The following SAMMSON variants were observed in gnomAD, a reference collection of about 807,000 sequenced individuals.
SAMMSON encodes survival associated mitochondrial melanoma specific oncogenic non-coding RNA.
chr3:70,192,207 G>A (rs1019978457), intron 4 of SAMMSON, among the ~76,000 whole-genome samples: 10 of 152,098 alleles, frequency 6.6e-5, no homozygotes, highest in South Asian at 2.1e-4. Context: ...GGAAAATTCC[G>A]GAGAGAAGAA....
intron 2 of SAMMSON, among the ~76,000 whole-genome samples, chr3:70,428,968 A>C (rs1344386488): frequency 1.3e-5 from 2 of 152,178 alleles, no homozygotes; most frequent in Admixed American, 6.5e-5. Context: ...TGATAGAAAC[A>C]TATTAATTAA....
intron 4 of SAMMSON, among the ~76,000 whole-genome samples, chr3:70,080,373 G>T (rs983039872): frequency 1.6e-4 from 24 of 152,202 alleles, no homozygotes; most frequent in African/African-American, 5.3e-4. Context: ...AAGGCAAGTG[G>T]CAGTATAATG....
chr3:70,278,307 G>A (rs531936409), intron 6 of SAMMSON, among the ~76,000 whole-genome samples: 1 of 152,300 alleles, frequency 6.6e-6, no homozygotes, highest in African/African-American at 2.4e-5. Context: ...GACTACATAT[G>A]TGTATGTACC....
intron 4 of SAMMSON, among the ~76,000 whole-genome samples, chr3:70,241,882 T>C (rs1701669436): frequency 6.6e-6 from 1 of 152,224 alleles, no homozygotes; most frequent in African/African-American, 2.4e-5. Context: ...GAGATGGGCT[T>C]AGAACGAAGG....
chr3:70,223,346 A>G (rs921819430), intron 4 of SAMMSON, among the ~76,000 whole-genome samples: 1 of 152,130 alleles, frequency 6.6e-6, no homozygotes, highest in Non-Finnish European at 1.5e-5. Flanking sequence ...ACCACCACCT[A>G]TCTCTGCACA....
chr3:70,224,058 C>T (rs564816806), intron 4 of SAMMSON, among the ~76,000 whole-genome samples: 3 of 152,210 alleles, frequency 2.0e-5, no homozygotes, highest in East Asian at 1.9e-4. Context: ...TTCTTTATCA[C>T]AGTAGATACT....
intron 4 of SAMMSON, among the ~76,000 whole-genome samples, chr3:70,231,698 G>A (rs1028491923): frequency 1.3e-5 from 2 of 152,138 alleles, no homozygotes; most frequent in Non-Finnish European, 2.9e-5. Context: ...CACGCAGAGA[G>A]ACAGAGATAC....
chr3:70,406,553 T>C (rs552401960), intron 2 of SAMMSON, among the ~76,000 whole-genome samples: 54 of 152,286 alleles, frequency 3.5e-4, no homozygotes, highest in African/African-American at 1.2e-3. Context: ...TTATAGCATA[T>C]ATAGAAATAA....
chr3:70,194,497 T>C (rs887838904), intron 4 of SAMMSON, among the ~76,000 whole-genome samples: 1 of 152,212 alleles, frequency 6.6e-6, no homozygotes, highest in East Asian at 1.9e-4. Context: ...AAAAGGATGA[T>C]GTTTTATTAT....
intron 4 of SAMMSON, among the ~76,000 whole-genome samples, chr3:70,109,451 G>C (rs1361936831): frequency 6.6e-6 from 1 of 152,122 alleles, no homozygotes; most frequent in Non-Finnish European, 1.5e-5. Flanking sequence ...ACATACAGAG[G>C]TGCTTAAAGC....
intron 4 of SAMMSON, among the ~76,000 whole-genome samples, chr3:70,108,324 C>T (rs2067374899): frequency 6.6e-6 from 1 of 150,968 alleles, no homozygotes; most frequent in African/African-American, 2.4e-5. Context: ...TTGCAGAAGG[C>T]TAGGTTTACG....
downstream of SAMMSON, among the ~76,000 whole-genome samples, chr3:70,393,696 C>T (rs1701068532): frequency 6.6e-6 from 1 of 151,926 alleles, no homozygotes; most frequent in African/African-American, 2.4e-5. Context: ...AGGAGTTGGC[C>T]AGGCAAAAAG....
intron 4 of SAMMSON, among the ~76,000 whole-genome samples, chr3:70,083,590 G>T (rs1235718940): frequency 2.0e-5 from 3 of 152,158 alleles, no homozygotes; most frequent in African/African-American, 7.2e-5. Flanking sequence ...ATGCCTCTGG[G>T]CGTTGAGGGC....
intron 2 of SAMMSON, among the ~76,000 whole-genome samples, chr3:70,423,821 T>C (rs1701332356): frequency 6.6e-6 from 1 of 152,156 alleles, no homozygotes. Flanking sequence ...ACAGAAACTC[T>C]AAGACTGATT....
intron 6 of SAMMSON, among the ~76,000 whole-genome samples, chr3:70,271,600 T>C (rs2106672046): frequency 6.6e-6 from 1 of 152,310 alleles, no homozygotes; most frequent in East Asian, 1.9e-4. Context: ...GGTCCATTAC[T>C]TTCATCTTAT....
intron 3 of SAMMSON, among the ~76,000 whole-genome samples, chr3:70,048,192 A>G (rs2067134202): frequency 6.6e-6 from 1 of 152,106 alleles, no homozygotes; most frequent in Non-Finnish European, 1.5e-5. Context: ...TGAGCAGAAC[A>G]GATGTGCTCT....
chr3:70,211,872 C>T (rs1308578553), intron 4 of SAMMSON, among the ~76,000 whole-genome samples: 2 of 148,602 alleles, frequency 1.3e-5, no homozygotes, highest in African/African-American at 5.0e-5. Context: ...TTCTCCCTTC[C>T]CTTCCCTTCT....
chr3:70,338,503 C>G (rs1200501212), intron 7 of SAMMSON, among the ~76,000 whole-genome samples: 1 of 151,936 alleles, frequency 6.6e-6, no homozygotes, highest in Non-Finnish European at 1.5e-5. Flanking sequence ...ATAGAAAACC[C>G]CATCATCTCA....
intron 4 of SAMMSON, among the ~76,000 whole-genome samples, chr3:70,184,580 T>C (rs1370415724): frequency 6.6e-6 from 1 of 152,238 alleles, no homozygotes; most frequent in East Asian, 1.9e-4. Context: ...TGGTTTCTTA[T>C]ATGTTTGTTA....
Sources: allele counts gnomAD v4.1 joint callset (sites outside exome capture counted in the v4.1 genomes callset), GRCh38; gene constraint gnomAD v4.1.1; transcripts MANE v1.5; gene names NCBI Gene and HGNC (gene_info 2026-07-23, HGNC 2026-07-21).